FHL2: variants seen among roughly 807,000 people sequenced by gnomAD.
FHL2 encodes four and a half LIM domains protein 2.
A neutral mutation model predicts 32.7 loss-of-function variants in FHL2; 20 were observed. The ratio of observed to expected loss-of-function variants is 0.61; its 90% CI spans 0.43 to 0.89. FHL2 has a LOEUF of 0.89. Among genes scored for constraint, FHL2 ranks in the 40% least tolerant of loss-of-function variants. FHL2 has a pLI of 0.00. For missense variants in FHL2, 311 were observed against 358.6 expected (o/e 0.87, Z 1.07); for synonymous variants, 123 against 128.1 (o/e 0.96, Z 0.27).
Position 105,363,387 on chromosome 2 carries a change from A to G in FHL2, c.586T>C (p.Ser196Pro). 6.2e-7 allele frequency: 1 copy of G among 1,614,020 alleles called. No individual in the cohort carries two copies. The highest frequency in any genetic ancestry group is 1.3e-5 in the African/African-American group (1 of 75,042). Reference sequence around the variant, plus strand: ...TCGCGAGCTGTGAAGCGCTGCCCAGACAGCTGCTTCCTGCAGGCGGTGCAC... The same window carrying G: ...TCGCGAGCTGTGAAGCGCTGCCCAGGCAGCTGCTTCCTGCAGGCGGTGCAC... ...FVCTACRKQL[S>P]GQRFTARDDF... Residue 196 changes from serine to proline, a missense_variant, in exon 6 of 7, where the codon TCT becomes CCT. Physicochemically the swap from Ser to Pro is moderately conservative, Grantham distance 74 (BLOSUM62 -1). Coordinates refer to ENST00000530340, the MANE Select transcript of FHL2 (RefSeq NM_001318895.3).
intron 2 of FHL2, 47 bp downstream of exon 2, chr2:105,396,600 A>C (rs777175029): frequency 6.4e-7 from 1 of 1,560,938 alleles, no homozygotes. Flanking sequence ...AGTAGCTAAA[A>C]CTGAAATCCA....
At chr2:105,369,107 G>T (rs1186850234) in intron 4 of FHL2, among the ~76,000 whole-genome samples, 1 of 152,218 alleles carries the variant, frequency 6.6e-6, no homozygotes, top group African/African-American at 2.4e-5. Context: ...ATATTTATCT[G>T]ATTTTTGAAG....
At chr2:105,364,143 C>G (rs2104490266) in intron 5 of FHL2, among the ~76,000 whole-genome samples, 2 of 152,264 alleles carry the variant, frequency 1.3e-5, no homozygotes, top group South Asian at 4.1e-4. Context: ...GTATTCCCAG[C>G]TACTCAGGAG....
chr2:105,409,826 T>C (rs1434740097), intron 1 of FHL2, among the ~76,000 whole-genome samples: 3 of 152,180 alleles, frequency 2.0e-5, no homozygotes, highest in Non-Finnish European at 4.4e-5. Context: ...CACTTTTCCA[T>C]GAAGTAGGTA....
At chr2:105,377,924 G>T (rs942884938) in intron 3 of FHL2, 1 of 402,192 alleles carries the variant, frequency 2.5e-6, no homozygotes, top group Non-Finnish European at 5.1e-6. Flanking sequence ...CGCCCAGAGG[G>T]GTGGCAAGTT....
At chr2:105,359,621 C>T (rs1274952817), downstream of FHL2, 1 of 152,218 alleles carries the variant, frequency 6.6e-6, no homozygotes, top group Non-Finnish European at 1.5e-5. Flanking sequence ...TACATTGGCT[C>T]CGTGCTTCCC....
intron 4 of FHL2, 44 bp from the exon 5 acceptor site, chr2:105,367,783 G>A (rs747161297): frequency 1.3e-6 from 2 of 1,571,136 alleles, no homozygotes; most frequent in African/African-American, 2.7e-5. Flanking sequence ...TATGGTTAGA[G>A]GGGTGTGGAG....
At chr2:105,432,058 C>T (rs1202269012) in intron 1 of FHL2, among the ~76,000 whole-genome samples, 1 of 152,214 alleles carries the variant, frequency 6.6e-6, no homozygotes, top group African/African-American at 2.4e-5. Flanking sequence ...AACTGTCTGA[C>T]TTGTGGAGAG....
intron 1 of FHL2, among the ~76,000 whole-genome samples, chr2:105,397,158 A>T (rs1422861950): frequency 2.0e-5 from 3 of 152,114 alleles, no homozygotes; most frequent in Non-Finnish European, 4.4e-5. Context: ...AATGTTAAAA[A>T]AAATAAATAA....
intron 2 of FHL2, among the ~76,000 whole-genome samples, chr2:105,392,849 T>G (rs1231681500): frequency 3.3e-5 from 4 of 120,524 alleles, no homozygotes; most frequent in African/African-American, 1.2e-4. Context: ...TGAGACAGTG[T>G]CACTCTATCA....
chr2:105,373,715 G>C lies in FHL2; in HGVS notation c.175C>G (p.Arg59Gly), dbSNP rs753335287. Residue 59 changes from arginine to glycine, a missense_variant, in exon 4 of 7, where the codon CGG becomes GGG. By Grantham distance (125) the Arg-to-Gly change is moderately radical (BLOSUM62 -2). Coordinates refer to ENST00000530340, the MANE Select transcript of FHL2 (RefSeq NM_001318895.3). ...TGGAAACAGGCTTCATGCCAGTGCC[G>C]GTCCTTGTAAGACAAGTCCTGTGGG... ...CDCKDLSYKDRHWHEACFHCS... is the reference protein window; with the variant it reads ...CDCKDLSYKDGHWHEACFHCS... 2 of 1,613,988 alleles carry C rather than the reference G, an allele frequency of 1.2e-6. No homozygotes were observed. Among genetic ancestry groups the C allele is most frequent in the African/African-American group, 1.3e-5 (1 of 75,020 alleles).
At chr2:105,414,806 G>T (rs562987026) in intron 1 of FHL2, among the ~76,000 whole-genome samples, 1 of 152,324 alleles carries the variant, frequency 6.6e-6, no homozygotes, top group East Asian at 1.9e-4. Flanking sequence ...ACCCACCTTG[G>T]CCTCTCAAAG....
At chr2:105,412,206 T>C (rs1196954982) in intron 1 of FHL2, among the ~76,000 whole-genome samples, 2 of 152,226 alleles carry the variant, frequency 1.3e-5, no homozygotes, top group Admixed American at 6.5e-5. Flanking sequence ...GGTGAATGCG[T>C]GAACAACATG....
chr2:105,380,563 C>A (rs889586427), intron 3 of FHL2, among the ~76,000 whole-genome samples: 1 of 152,150 alleles, frequency 6.6e-6, no homozygotes, highest in Non-Finnish European at 1.5e-5. Context: ...AGCTCCAAAC[C>A]GATTTTTAGT....
chr2:105,413,434 T>TA (rs2104658599), intron 1 of FHL2, among the ~76,000 whole-genome samples: 2 of 152,066 alleles, frequency 1.3e-5, no homozygotes, highest in African/African-American at 4.8e-5. Flanking sequence ...ACAACAAAGC[T>TA]AAGCACTACT....
chr2:105,427,558 A>T (rs1038880647), intron 1 of FHL2, among the ~76,000 whole-genome samples: 9 of 152,218 alleles, frequency 5.9e-5, no homozygotes, highest in Non-Finnish European at 1.2e-4. Flanking sequence ...TCAAATGTCA[A>T]TAATCAATAG....
intron 1 of FHL2, among the ~76,000 whole-genome samples, chr2:105,417,297 G>A (rs1233807024): frequency 6.6e-6 from 1 of 151,824 alleles, no homozygotes; most frequent in Admixed American, 6.6e-5. Flanking sequence ...CAGGAGAATC[G>A]CTTGAACCCA....
At chr2:105,420,143 T>C (rs1218815611) in intron 1 of FHL2, among the ~76,000 whole-genome samples, 2 of 152,176 alleles carry the variant, frequency 1.3e-5, no homozygotes, top group Admixed American at 6.5e-5. Flanking sequence ...TGTCTCCAAG[T>C]TTTGGAAGCT....
chr2:105,361,509 GT>G, intron 6 of FHL2, 75 bp from the exon 7 acceptor site: 1 of 1,385,874 alleles, frequency 7.2e-7, no homozygotes, highest in Non-Finnish European at 1.0e-6. Flanking sequence ...AGGAATTCTG[GT>G]TTGATCCATT....
Sources: allele counts gnomAD v4.1 joint callset (sites outside exome capture counted in the v4.1 genomes callset), GRCh38; gene constraint gnomAD v4.1.1; transcripts MANE v1.5; gene names NCBI Gene and HGNC (gene_info 2026-07-23, HGNC 2026-07-21).